The following CABP1 variants were observed in gnomAD, a reference collection of about 807,000 sequenced individuals.
CABP1 encodes calcium binding protein 1, also known as calcium-binding protein 1.
Under a neutral mutation model 34.3 loss-of-function variants are expected in CABP1, and 17 were observed. That is an observed-to-expected ratio of 0.50 (90% CI 0.34 to 0.74). The LOEUF (loss-of-function observed/expected upper bound fraction) is 0.74. Ranked by LOEUF, CABP1 falls within the 30% of genes least tolerant of loss-of-function variation. The probability of loss-of-function intolerance (pLI) is 0.01; values close to 1 mark genes in which losing one functional copy is unlikely to be tolerated. For synonymous variants in CABP1, 198 were observed against 229.2 expected (o/e 0.86, Z 1.23); for missense variants, 373 against 511.1 (o/e 0.73, Z 2.61).
At position 120,667,055 on chromosome 12, in the gene CABP1, C is replaced by T. The variant is rs1881046151; in HGVS notation, c.*155C>T. ...GGGAGGCGCCCACCCCGGACCCCCA[C>T]CCCTCCGCACTGTGAAAGACTAACT... On this transcript the variant is annotated 3_prime_UTR_variant, in exon 6 of 6. Transcript: ENST00000316803. The T allele has an allele frequency of 2.5e-6, 2 of 794,968 alleles. No homozygotes were observed. Among genetic ancestry groups the T allele is most frequent in the African/African-American group, 1.7e-5 (1 of 57,668 alleles). 49.2% of individuals were successfully genotyped at this position (794,968 alleles called of 1,614,324 possible).
At chr12:120,668,345 G>T (rs1274665585), downstream of CABP1, among the ~76,000 whole-genome samples, 1 of 152,208 alleles carries the variant, frequency 6.6e-6, no homozygotes, top group Non-Finnish European at 1.5e-5. Flanking sequence ...AGAAAAATTA[G>T]CCGGGCGTGG....
chr12:120,655,998 C>G (rs775538231), intron 1 of CABP1: 4 of 1,581,306 alleles, frequency 2.5e-6, no homozygotes, highest in Admixed American at 3.7e-5. Flanking sequence ...CTCAGGGTCC[C>G]CTCTTGCGGA....
chr12:120,666,076 T>C (rs1333201296), intron 5 of CABP1, among the ~76,000 whole-genome samples: 1 of 151,226 alleles, frequency 6.6e-6, no homozygotes, highest in Non-Finnish European at 1.5e-5. Context: ...GCCACACCTG[T>C]AATCCCAGCA....
chr12:120,676,653 C>G, the CABP1 span, among the ~76,000 whole-genome samples: 2 of 152,158 alleles, frequency 1.3e-5, no homozygotes, highest in African/African-American at 4.8e-5. Context: ...CCTTGAACTC[C>G]CGACTTCAGG....
Position 120,660,625 on chromosome 12 carries a change from T to C in CABP1, c.830-106T>C. On this transcript the variant is annotated intron_variant, in intron 3 of 5. Coordinates refer to ENST00000316803, the MANE Select transcript of CABP1 (RefSeq NM_001033677.2). The surrounding 1 kb of genome is among the most constrained non-coding windows in gnomAD (Gnocchi z 5.0). ...CTCTTGTTATTATTAAGTTTGTCTC[T>C]ATCTGATGAGCAGGTCAAGGAGGGG... The C allele has an allele frequency of 1.2e-6, 1 of 809,068 alleles. No homozygotes were observed. The highest frequency in any genetic ancestry group is 1.5e-5 in the South Asian group (1 of 66,154). The allele number at this position is 809,068 out of a possible 1,614,324, so 50.1% of individuals were successfully genotyped here. A position where few individuals can be genotyped will look rare whatever the true frequency, so the allele number is the denominator to read the frequency against.
At chr12:120,654,052 T>A (rs1478927845) in intron 1 of CABP1, among the ~76,000 whole-genome samples, 1 of 152,188 alleles carries the variant, frequency 6.6e-6, no homozygotes, top group Non-Finnish European at 1.5e-5. Flanking sequence ...CTCGCTCTAG[T>A]CTTGCCTCGC....
downstream of CABP1, among the ~76,000 whole-genome samples, chr12:120,668,639 G>C (rs950747099): frequency 1.3e-5 from 2 of 152,206 alleles, no homozygotes; most frequent in African/African-American, 4.8e-5. Flanking sequence ...CATAGCAAGT[G>C]CCCTCAGGGC....
At chr12:120,653,828 C>T (rs932214471) in intron 1 of CABP1, among the ~76,000 whole-genome samples, 6 of 152,342 alleles carry the variant, frequency 3.9e-5, no homozygotes, top group Middle Eastern at 3.4e-3. Flanking sequence ...CCACCACGCC[C>T]GGCCCGCCTC....
downstream of CABP1, among the ~76,000 whole-genome samples, chr12:120,671,030 C>T (rs1881233664): frequency 6.6e-6 from 1 of 152,094 alleles, no homozygotes; most frequent in Non-Finnish European, 1.5e-5. Context: ...CCTGGAGGTA[C>T]ATAAAAGGCA....
Position 120,660,603 on chromosome 12 carries a change from T to C in CABP1, c.830-128T>C. ...ACAGGAAGAACTGAACAGAGGGCTC[T>C]TGTTATTATTAAGTTTGTCTCTATC... On this transcript the variant is annotated intron_variant, in intron 3 of 5. Coordinates refer to ENST00000316803, the MANE Select transcript of CABP1 (RefSeq NM_001033677.2). This position sits in a 1 kb window ranked among gnomAD's most constrained non-coding sequence, Gnocchi z 5.0. The C allele has an allele frequency of 1.3e-6, 1 of 755,800 alleles. No individual in the cohort carries two copies. The highest frequency in any genetic ancestry group is 2.3e-6 in the Non-Finnish European group (1 of 430,632). The allele number at this position is 755,800 out of a possible 1,614,324, so 46.8% of individuals were successfully genotyped here.
Position 120,666,984 on chromosome 12 carries a change from C to T in CABP1, c.*84C>T. On this transcript the variant is annotated 3_prime_UTR_variant, in exon 6 of 6. Transcript: ENST00000316803. ...GAGCTTGCCTCACCCGCTGTAGCCG[C>T]CGAGAGCCCAGGATGTACTGGCGGA... 2.0e-6 allele frequency: 3 copies of T among 1,511,458 alleles called. No homozygotes were observed. The African/African-American group carries it at 4.1e-5, about 21-fold the overall frequency. 93.6% of individuals were successfully genotyped at this position (1,511,458 alleles called of 1,614,324 possible).
intron 1 of CABP1, among the ~76,000 whole-genome samples, chr12:120,648,548 G>A (rs769668380): frequency 5.9e-5 from 9 of 152,156 alleles, no homozygotes; most frequent in Non-Finnish European, 8.8e-5. Context: ...TTCCAGTGGC[G>A]GAAACTGAAG....
chr12:120,649,511 G>A (rs1356473301), intron 1 of CABP1, among the ~76,000 whole-genome samples: 3 of 152,212 alleles, frequency 2.0e-5, no homozygotes, highest in African/African-American at 7.2e-5. Context: ...ACGAGGAAGA[G>A]CCAGTCATCT....
chr12:120,680,100 G>A, the CABP1 span, among the ~76,000 whole-genome samples: 1 of 152,078 alleles, frequency 6.6e-6, no homozygotes, highest in Non-Finnish European at 1.5e-5. Context: ...TTGAATCCGG[G>A]AGGCAGAGGC....
At chr12:120,669,686 G>A (rs993330767), downstream of CABP1, among the ~76,000 whole-genome samples, 24 of 152,182 alleles carry the variant, frequency 1.6e-4, no homozygotes, top group African/African-American at 4.3e-4. Flanking sequence ...CACGAGAGGC[G>A]GAGGTTGCAG....
chr12:120,657,716 G>A (rs988734559), intron 1 of CABP1, among the ~76,000 whole-genome samples: 4 of 152,186 alleles, frequency 2.6e-5, no homozygotes, highest in East Asian at 3.8e-4. Context: ...CTCTGGTGGC[G>A]GGCACACTCC....
At chr12:120,655,257 A>T (rs1405585223) in intron 1 of CABP1, 1 of 153,052 alleles carries the variant, frequency 6.5e-6, no homozygotes, top group African/African-American at 2.4e-5. Flanking sequence ...GTGAAACCCC[A>T]TCTCTGCTGA....
chr12:120,654,967 G>A (rs972237941), intron 1 of CABP1, among the ~76,000 whole-genome samples: 3 of 152,236 alleles, frequency 2.0e-5, no homozygotes, highest in East Asian at 1.9e-4. Flanking sequence ...CAGGGAAGGC[G>A]GGAGGGAGGA....
At chr12:120,664,425 G>GA (rs1458775274) in intron 5 of CABP1, among the ~76,000 whole-genome samples, 1 of 152,184 alleles carries the variant, frequency 6.6e-6, no homozygotes, top group Non-Finnish European at 1.5e-5. Context: ...CAAATGAGTT[G>GA]AAAACCTATG....
Sources: gnomAD v4.1 joint callset for allele counts (sites outside exome capture counted in the v4.1 genomes callset) on GRCh38, gnomAD v4.1.1 for gene constraint, Gnocchi (gnomAD v3.1) non-coding constraint, MANE v1.5 for transcripts, NCBI Gene and HGNC (gene_info 2026-07-23, HGNC 2026-07-21) for gene names.